The following KIDINS220 variants were observed in gnomAD, a reference collection of about 807,000 sequenced individuals.
KIDINS220 encodes the protein kinase D-interacting substrate of 220 kDa.
KIDINS220 carries 63 observed loss-of-function variants against 157.6 expected under a neutral mutation model. The ratio of observed to expected loss-of-function variants is 0.40; its 90% CI spans 0.33 to 0.49. The LOEUF (loss-of-function observed/expected upper bound fraction) is 0.49, where lower values mean the gene tolerates loss of function less well. Ranked by LOEUF, KIDINS220 falls within the 20% of genes least tolerant of loss-of-function variation. KIDINS220 has a pLI of 0.66. For synonymous variants in KIDINS220, 732 were observed against 783.6 expected (o/e 0.93, Z 1.10); for missense variants, 1,772 against 2,171.2 (o/e 0.82, Z 3.65).
At chr2:8,812,952 GAA>G (rs1169078109) in intron 5 of KIDINS220, among the ~76,000 whole-genome samples, 5 of 152,092 alleles carry the variant, frequency 3.3e-5, no homozygotes, top group Admixed American at 2.0e-4. Context: ...TTCACACACA[GAA>G]AAGAGGAAGA....
At chr2:8,823,071 G>A (rs1236928625) in intron 2 of KIDINS220, among the ~76,000 whole-genome samples, 1 of 152,032 alleles carries the variant, frequency 6.6e-6, no homozygotes, top group Non-Finnish European at 1.5e-5. Context: ...GAACTCCTGG[G>A]GTCAAGCAAT....
At chr2:8,805,406 C>A (rs1411281477) in intron 7 of KIDINS220, among the ~76,000 whole-genome samples, 1 of 152,120 alleles carries the variant, frequency 6.6e-6, no homozygotes, top group Non-Finnish European at 1.5e-5. Flanking sequence ...CCCTGGCAAC[C>A]AGCACCTCAA....
intron 9 of KIDINS220, 147 bp downstream of exon 9, chr2:8,800,253 G>A: frequency 1.9e-6 from 1 of 517,824 alleles, no homozygotes; most frequent in Non-Finnish European, 3.4e-6. Flanking sequence ...TAATGGCAGT[G>A]AAACTTAGTA....
At chr2:8,726,130 C>T (rs1663284175), downstream of KIDINS220, among the ~76,000 whole-genome samples, 1 of 152,148 alleles carries the variant, frequency 6.6e-6, no homozygotes, top group Admixed American at 6.5e-5. Context: ...GGTCATCCTT[C>T]GAATAGTTGG....
rs377451931 is a variant in KIDINS220, at chr2:8,808,605, A to G, written c.505-2236T>C. ...TGCTTCAAAACAGCTCTGCAGCCAC[A>G]GTCTGAACTACCTCAATAAGTCTCT... On this transcript the variant is annotated intron_variant, in intron 6 of 29. Coordinates refer to ENST00000256707, the MANE Select transcript of KIDINS220 (RefSeq NM_020738.4). Among the ~76,000 whole-genome samples the G allele has an allele frequency of 2.6e-5, 4 of 152,332 alleles. No homozygotes were observed. In the East Asian group the frequency reaches 5.8e-4, roughly 22 times the overall value.
intron 26 of KIDINS220, among the ~76,000 whole-genome samples, chr2:8,743,815 T>C (rs1249578477): frequency 6.6e-6 from 1 of 152,200 alleles, no homozygotes; most frequent in Non-Finnish European, 1.5e-5. Flanking sequence ...TTTTACAAAC[T>C]GGAGTTTTGA....
intron 22 of KIDINS220, among the ~76,000 whole-genome samples, chr2:8,764,538 C>G (rs576776869): frequency 1.3e-5 from 2 of 152,294 alleles, no homozygotes; most frequent in African/African-American, 2.4e-5. Context: ...TTAGCATCAC[C>G]TGACATAAGG....
At chr2:8,806,504 T>C in intron 6 of KIDINS220, 135 bp from the exon 7 acceptor site, 1 of 569,264 alleles carries the variant, frequency 1.8e-6, no homozygotes, top group Non-Finnish European at 3.0e-6. Flanking sequence ...GTAATTGTAA[T>C]CTTAGATAAA....
chr2:8,755,585 T>C (rs574378230), intron 22 of KIDINS220, among the ~76,000 whole-genome samples: 1 of 152,324 alleles, frequency 6.6e-6, no homozygotes, highest in African/African-American at 2.4e-5. Flanking sequence ...TCACCTTAAT[T>C]GTCCTTTCTG....
At chr2:8,758,956 T>C (rs1458024204) in intron 22 of KIDINS220, among the ~76,000 whole-genome samples, 2 of 152,130 alleles carry the variant, frequency 1.3e-5, no homozygotes, top group Non-Finnish European at 2.9e-5. Flanking sequence ...AGAAAAGAAC[T>C]TGCCAGAAGA....
chr2:8,804,579 T>C (rs1412846378), intron 7 of KIDINS220, among the ~76,000 whole-genome samples: 2 of 152,242 alleles, frequency 1.3e-5, no homozygotes, highest in East Asian at 3.9e-4. Context: ...AATCTGTTCA[T>C]TGAAGAGGGA....
At chr2:8,738,199 T>C (rs1187071297) in intron 26 of KIDINS220, among the ~76,000 whole-genome samples, 2 of 152,310 alleles carry the variant, frequency 1.3e-5, no homozygotes, top group Admixed American at 1.3e-4. Context: ...TTGAAAAAAG[T>C]GAATTAATTA....
intron 2 of KIDINS220, among the ~76,000 whole-genome samples, chr2:8,820,255 C>T (rs1282400515): frequency 1.3e-5 from 2 of 152,152 alleles, no homozygotes; most frequent in Non-Finnish European, 2.9e-5. Context: ...TTGTTTGTAA[C>T]CACATTTTCA....
At chr2:8,743,673 G>GTGTCCAAA (rs1289508425) in intron 26 of KIDINS220, among the ~76,000 whole-genome samples, 1 of 152,160 alleles carries the variant, frequency 6.6e-6, no homozygotes, top group East Asian at 1.9e-4. Context: ...TTCCAAATCT[G>GTGTCCAAA]GCACCCCTTT....
chr2:8,732,741 C>T (rs1664303738), intron 29 of KIDINS220, among the ~76,000 whole-genome samples: 1 of 152,094 alleles, frequency 6.6e-6, no homozygotes, highest in Admixed American at 6.5e-5. Context: ...TTCTTCCTTC[C>T]CCAAGGCGCT....
intron 6 of KIDINS220, among the ~76,000 whole-genome samples, chr2:8,808,522 C>A (rs1201674933): frequency 6.6e-6 from 1 of 152,208 alleles, no homozygotes; most frequent in African/African-American, 2.4e-5. Flanking sequence ...GTCCCACTTT[C>A]AACATTACAA....
At chr2:8,744,385 AAAAATATATATATAT>A (rs1666176501) in intron 26 of KIDINS220, among the ~76,000 whole-genome samples, 13 of 28,038 alleles carry the variant, frequency 4.6e-4, no homozygotes, top group South Asian at 2.1e-3. Flanking sequence ...AAAAAAAAAA[AAAAATATATATATAT>A]AATATATATA....
At chr2:8,744,621 C>A (rs1448126391) in intron 26 of KIDINS220, among the ~76,000 whole-genome samples, 2 of 151,156 alleles carry the variant, frequency 1.3e-5, no homozygotes, top group Non-Finnish European at 2.9e-5. Flanking sequence ...AATGGGAAAT[C>A]CCGTTGTCCA....
chr2:8,805,903 T>C (rs554788272), intron 7 of KIDINS220, among the ~76,000 whole-genome samples: 32 of 152,312 alleles, frequency 2.1e-4, no homozygotes, highest in Admixed American at 1.8e-3. Context: ...GCCAGATGTG[T>C]GTAAGTGCAC....
Sources: gnomAD v4.1 joint callset for allele counts (sites outside exome capture counted in the v4.1 genomes callset) on GRCh38, gnomAD v4.1.1 for gene constraint, MANE v1.5 for transcripts, NCBI Gene and HGNC (gene_info 2026-07-23, HGNC 2026-07-21) for gene names.